The following KDM4B variants were observed in gnomAD, a reference collection of about 807,000 sequenced individuals.
The protein encoded by KDM4B is lysine-specific demethylase 4B.
A neutral mutation model predicts 125.2 loss-of-function variants in KDM4B; 32 were observed. The observed-to-expected ratio is 0.26, with a 90% CI of 0.19 to 0.34. The LOEUF (loss-of-function observed/expected upper bound fraction) is 0.34, where lower values mean the gene tolerates loss of function less well. Among genes scored for constraint, KDM4B ranks in the 10% least tolerant of loss-of-function variants. The probability of loss-of-function intolerance (pLI) is 1.00; values close to 1 mark genes in which losing one functional copy is unlikely to be tolerated. For missense variants in KDM4B, 1,190 were observed against 1,577.7 expected, an observed-to-expected ratio of 0.75 and a Z score of 4.16; for synonymous variants, 721 against 677.9, an observed-to-expected ratio of 1.06 and a Z score of -0.99.
intron 1 of KDM4B, among the ~76,000 whole-genome samples, chr19:4,981,315 C>T (rs55728204): frequency 0.16 from 23,945 of 152,146 alleles, 2,084 homozygotes; most frequent in Middle Eastern, 0.22. Flanking sequence ...CTGTCCCCCT[C>T]GTCCTGTTTT....
chr19:5,051,672 G>C (rs2037228498), intron 6 of KDM4B, among the ~76,000 whole-genome samples: 2 of 152,362 alleles, frequency 1.3e-5, no homozygotes, highest in Admixed American at 6.5e-5. Flanking sequence ...CTTAGGGAAG[G>C]GGGTGTCCCC....
At position 5,144,815 on chromosome 19, in the gene KDM4B, C is replaced by T. The variant is rs371097460; in HGVS notation, c.2934C>T (p.Ser978=). 4.0e-5 allele frequency: 64 copies of T among 1,613,266 alleles called. No homozygotes were observed. Among genetic ancestry groups the T allele is most frequent in the Non-Finnish European group, 4.9e-5 (58 of 1,179,866 alleles). ...ACTGTGTCCAGCTGGGACCCCCTTC[C>T]GAGGGGGAGCTGGTGGAGCTCCGGT... ...SRDCVQLGPP[S]EGELVELRWT... is the part of the protein sequence containing the mutation. The change falls in exon 21 of 23, where the codon TCC becomes TCT. Residue 978 remains serine (S), a synonymous_variant. Coordinates refer to ENST00000159111, the MANE Select transcript of KDM4B (RefSeq NM_015015.3).
chr19:5,032,767 C>A, intron 2 of KDM4B, 99 bp from the exon 3 acceptor site: 2 of 1,174,568 alleles, frequency 1.7e-6, no homozygotes, highest in Non-Finnish European at 2.4e-6. Context: ...CTCCTGGTGG[C>A]CACGGTATTT....
chr19:5,120,955 T>C (rs1261787691), intron 11 of KDM4B, among the ~76,000 whole-genome samples: 6 of 152,188 alleles, frequency 3.9e-5, no homozygotes. Context: ...CTGGTCTGCC[T>C]CTGAGGTGTC....
At chr19:5,010,614 G>T (rs1209128189) in intron 1 of KDM4B, among the ~76,000 whole-genome samples, 1 of 152,148 alleles carries the variant, frequency 6.6e-6, no homozygotes, top group Non-Finnish European at 1.5e-5. Context: ...GTGGAGGAAA[G>T]CTGTCCCTCT....
intron 1 of KDM4B, among the ~76,000 whole-genome samples, chr19:4,984,524 G>A (rs937778316): frequency 2.6e-5 from 4 of 152,166 alleles, no homozygotes; most frequent in African/African-American, 4.8e-5. Flanking sequence ...TGGACCCGAG[G>A]CAGCGTTGAC....
chr19:5,097,685 C>G (rs1171441668), intron 9 of KDM4B, among the ~76,000 whole-genome samples: 1 of 152,240 alleles, frequency 6.6e-6, no homozygotes, highest in East Asian at 1.9e-4. Context: ...GACCGCTGCC[C>G]TGTGTGTCGG....
rs920029769 is a variant in KDM4B, at chr19:5,151,504, C to A, written c.3284C>A (p.Pro1095His). The A allele has an allele frequency of 1.4e-6, 2 of 1,404,664 alleles. No homozygotes were observed. Among genetic ancestry groups the A allele is most frequent in the Non-Finnish European group, 9.3e-7 (1 of 1,074,298 alleles). The allele number at this position is 1,404,664 out of a possible 1,614,324, so 87.0% of individuals were successfully genotyped here. A position where few individuals can be genotyped will look rare whatever the true frequency, so the allele number is the denominator to read the frequency against. Residue 1095 changes from proline to histidine, a missense_variant, in exon 23 of 23, where the codon CCC (proline) becomes CAC (histidine). Pro to His is a moderately conservative substitution (Grantham distance 77). This residue lies in a region of KDM4B where 109 missense variants were observed against 93.8 expected (regional missense o/e 1.16). Transcript: ENST00000159111. ...LLQVQGRPGA[P>H]F Reference sequence around the variant, plus strand: ...CAGGTGCAGGGCCGGCCCGGAGCCCCCTTCTAGGACAGCTGGCCGCTCAGG... The same window carrying A: ...CAGGTGCAGGGCCGGCCCGGAGCCCACTTCTAGGACAGCTGGCCGCTCAGG...
At chr19:4,978,357 CT>C (rs2034521334) in intron 1 of KDM4B, among the ~76,000 whole-genome samples, 1 of 151,486 alleles carries the variant, frequency 6.6e-6, no homozygotes, top group Non-Finnish European at 1.5e-5. Flanking sequence ...AAATGCAAAA[CT>C]TAGCCGGGCG....
intron 3 of KDM4B, among the ~76,000 whole-genome samples, chr19:5,038,228 C>T (rs1342506579): frequency 3.3e-5 from 5 of 152,194 alleles, no homozygotes; most frequent in East Asian, 3.9e-4. Flanking sequence ...GTGGCAGCCC[C>T]GGAGCGGCTG....
intron 3 of KDM4B, among the ~76,000 whole-genome samples, chr19:5,036,846 C>A (rs1204115987): frequency 6.6e-6 from 1 of 152,254 alleles, no homozygotes; most frequent in East Asian, 1.9e-4. Context: ...TTCCGCCCTG[C>A]GGGATTTTCC....
At chr19:5,064,031 G>A (rs2037689145) in intron 6 of KDM4B, among the ~76,000 whole-genome samples, 1 of 152,238 alleles carries the variant, frequency 6.6e-6, no homozygotes, top group Admixed American at 6.5e-5. Flanking sequence ...TTCCCGGCCT[G>A]TGCCAGCCAC....
chr19:5,051,767 C>G (rs772921228), intron 6 of KDM4B, among the ~76,000 whole-genome samples: 6 of 152,248 alleles, frequency 3.9e-5, no homozygotes, highest in Non-Finnish European at 7.3e-5. Context: ...CGAAGGAGCG[C>G]TTGCCCGGAC....
chr19:4,989,621 A>G (rs2034967592), intron 1 of KDM4B, among the ~76,000 whole-genome samples: 1 of 151,044 alleles, frequency 6.6e-6, no homozygotes, highest in Admixed American at 6.6e-5. Context: ...GATTACAGGC[A>G]TGAGCCACCA....
intron 9 of KDM4B, among the ~76,000 whole-genome samples, chr19:5,084,365 A>ATATAATT (rs1471173685): frequency 2.1e-5 from 3 of 144,614 alleles, no homozygotes; most frequent in Non-Finnish European, 4.5e-5. Flanking sequence ...TATATATTGT[A>ATATAATT]TATAATTTAT....
Position 5,135,339 on chromosome 19 carries a change from G to A in KDM4B, c.2086G>A (p.Ala696Thr). 6.2e-7 allele frequency: 1 copy of A among 1,607,422 alleles called. No homozygotes were observed. The highest frequency in any genetic ancestry group is 8.5e-7 in the Non-Finnish European group (1 of 1,174,856). ...CCTGAAGGTCGCCTCTCCCCTACAG[G>A]CCCTACAGACTGAGAAGGAGGCACC... is the stretch of plus-strand genomic sequence containing the variant. The part of the protein sequence containing the change: ...ICTLFYPYCQ[A>T]LQTEKEAPIA... Residue 696 changes from alanine to threonine, a missense_variant and splice_region_variant, in exon 15 of 23, where the codon GCC becomes ACC. Ala to Thr is a moderately conservative substitution (Grantham distance 58). Around this residue, in one of 7 missense-constraint regions of KDM4B, gnomAD observed 128 missense variants for 137.8 expected, o/e 0.93. Transcript: ENST00000159111.
intron 2 of KDM4B, among the ~76,000 whole-genome samples, chr19:5,025,341 C>T (rs1335295533): frequency 1.3e-5 from 2 of 152,186 alleles, no homozygotes; most frequent in African/African-American, 2.4e-5. Context: ...CTCTGTGGAC[C>T]GTATGTGAAA....
intron 6 of KDM4B, among the ~76,000 whole-genome samples, chr19:5,048,206 C>T (rs897754228): frequency 4.6e-5 from 7 of 152,218 alleles, no homozygotes; most frequent in African/African-American, 1.7e-4. Flanking sequence ...GTGCCGGGTG[C>T]AGCGTGGGCG....
At position 5,020,792 on chromosome 19, in the gene KDM4B, C is replaced by G. The variant is rs368325431; in HGVS notation, c.-26+4453C>G. The stretch of plus-strand genomic sequence containing the variant: ...TTTCCTGACCTGTAAAAAAGCACAC[C>G]TTGAACACTTCGCTTTCTGTCTGTG... On this transcript the variant is annotated intron_variant, in intron 2 of 22. Transcript: ENST00000159111. Among the ~76,000 whole-genome samples the G allele has an allele frequency of 3.2e-4, 49 of 152,322 alleles. No homozygotes were observed. In the East Asian group the frequency reaches 9.3e-3, roughly 29 times the overall value.
Sources: allele counts gnomAD v4.1 joint callset (sites outside exome capture counted in the v4.1 genomes callset), GRCh38; gene constraint gnomAD v4.1.1; regional missense constraint gnomAD v4.1.1; transcripts MANE v1.5; gene names NCBI Gene and HGNC (gene_info 2026-07-23, HGNC 2026-07-21).